LRRC69: variants seen among roughly 807,000 people sequenced by gnomAD.
LRRC69 encodes the protein leucine-rich repeat-containing protein 69.
In LRRC69, 42 loss-of-function variants were observed where a neutral mutation model predicts 37.8. The ratio of observed to expected loss-of-function variants is 1.11; its 90% CI spans 0.87 to 1.44. The LOEUF (loss-of-function observed/expected upper bound fraction) is 1.44. Among genes scored for constraint, LRRC69 ranks in the 40% most tolerant of loss-of-function variants. The pLI is 0.00. For synonymous variants in LRRC69, 141 were observed against 143.1 expected (o/e 0.99, Z 0.11); for missense variants, 357 against 401.9 (o/e 0.89, Z 0.96).
intron 1 of LRRC69, among the ~76,000 whole-genome samples, chr8:91,121,834 G>A (rs571646161): frequency 2.0e-5 from 3 of 151,990 alleles, no homozygotes; most frequent in South Asian, 2.1e-4. Context: ...CTTAGAATAT[G>A]TGCAGTTTAG....
intron 7 of LRRC69, among the ~76,000 whole-genome samples, chr8:91,218,633 A>G (rs1280662630): frequency 1.3e-5 from 2 of 152,182 alleles, no homozygotes; most frequent in East Asian, 1.9e-4. Context: ...CTTTATGGTT[A>G]GACTACATAA....
chr8:91,161,945 T>C (rs1808952503), intron 5 of LRRC69, among the ~76,000 whole-genome samples: 1 of 151,396 alleles, frequency 6.6e-6, no homozygotes, highest in Non-Finnish European at 1.5e-5. Flanking sequence ...TAGGTTTTGG[T>C]ATGCAGTGTT....
At chr8:91,204,934 A>G (rs745973651) in intron 7 of LRRC69, among the ~76,000 whole-genome samples, 1 of 152,240 alleles carries the variant, frequency 6.6e-6, no homozygotes, top group Non-Finnish European at 1.5e-5. Flanking sequence ...ACTTGAATGA[A>G]TAATACAATG....
chr8:91,146,203 T>G (rs139623577), intron 5 of LRRC69, among the ~76,000 whole-genome samples: 66 of 151,828 alleles, frequency 4.3e-4, no homozygotes, highest in African/African-American at 1.4e-3. Context: ...GGAAATTTTA[T>G]TCTTCTAACC....
At chr8:91,212,533 A>T (rs1464357895) in intron 7 of LRRC69, among the ~76,000 whole-genome samples, 1 of 152,180 alleles carries the variant, frequency 6.6e-6, no homozygotes, top group East Asian at 1.9e-4. Context: ...TGTAACTTTA[A>T]TTCCTTTTTT....
rs771986461 is a variant in LRRC69, at chr8:91,176,134, A to ATTTTT, written c.652-13380_652-13376dup. Reference sequence around the variant, plus strand: ...ATCCCTCATATATATATATATATATATTTTTTTTTTTTCTTTTTTTTGAGA... The same window carrying ATTTTT: ...ATCCCTCATATATATATATATATATATTTTTTTTTTTTTTTTTCTTTTTTTTGAGA... On this transcript the variant is annotated intron_variant, in intron 5 of 7. Transcript: ENST00000448384. Among the ~76,000 whole-genome samples, 96 of 75,694 alleles carry ATTTTT rather than the reference A, an allele frequency of 1.3e-3. 1 individual carries two copies. The highest frequency in any genetic ancestry group is 5.3e-3 in the African/African-American group (87 of 16,426). The allele number at this position is 75,694 out of a possible 152,430, so 49.7% of individuals were successfully genotyped here.
At chr8:91,187,492 G>A (rs975268808) in intron 5 of LRRC69, among the ~76,000 whole-genome samples, 2 of 152,114 alleles carry the variant, frequency 1.3e-5, no homozygotes, top group Non-Finnish European at 2.9e-5. Flanking sequence ...TCTTTATGTT[G>A]GATCTGGGAA....
chr8:91,156,954 C>G (rs1808846325), intron 5 of LRRC69, among the ~76,000 whole-genome samples: 1 of 151,238 alleles, frequency 6.6e-6, no homozygotes, highest in African/African-American at 2.4e-5. Context: ...TCTGGGTTCT[C>G]TATTCTGTTC....
chr8:91,160,567 G>A (rs559795213), intron 5 of LRRC69, among the ~76,000 whole-genome samples: 3 of 151,044 alleles, frequency 2.0e-5, no homozygotes, highest in Non-Finnish European at 4.4e-5. Context: ...GAGTTCTTAT[G>A]AGATCTGGTT....
chr8:91,147,137 A>G (rs960071485), intron 5 of LRRC69, among the ~76,000 whole-genome samples: 11 of 151,202 alleles, frequency 7.3e-5, no homozygotes, highest in Admixed American at 5.3e-4. Context: ...GCCTGTTAAA[A>G]TGTTGATCCC....
intron 1 of LRRC69, among the ~76,000 whole-genome samples, chr8:91,115,979 G>T (rs1454325297): frequency 6.6e-6 from 1 of 152,018 alleles, no homozygotes; most frequent in African/African-American, 2.4e-5. Context: ...GCCAGGTAAT[G>T]AATATATATG....
At chr8:91,212,196 TACTA>T (rs372085345) in intron 7 of LRRC69, among the ~76,000 whole-genome samples, 151 of 152,322 alleles carry the variant, frequency 9.9e-4, no homozygotes, top group Middle Eastern at 6.8e-3. Context: ...TTTTAGTTAC[TACTA>T]ACTTTGTCTG....
chr8:91,181,887 TC>T (rs1186568201), intron 5 of LRRC69, among the ~76,000 whole-genome samples: 1 of 152,114 alleles, frequency 6.6e-6, no homozygotes, highest in Non-Finnish European at 1.5e-5. Context: ...TTAAAGATAG[TC>T]AGTGGAGGCC....
chr8:91,196,036 C>A (rs1345577063), intron 6 of LRRC69, among the ~76,000 whole-genome samples: 5 of 152,184 alleles, frequency 3.3e-5, no homozygotes, highest in African/African-American at 1.2e-4. Flanking sequence ...TTAGGGCAGG[C>A]CTTGTAGTGA....
At chr8:91,203,158 A>C (rs944483961) in intron 7 of LRRC69, among the ~76,000 whole-genome samples, 7 of 152,052 alleles carry the variant, frequency 4.6e-5, no homozygotes, top group African/African-American at 1.7e-4. Context: ...ATAGACTCCT[A>C]TCTAGTCTGT....
exon 4 of LRRC69, chr8:91,133,236 A>G: frequency 6.5e-7 from 1 of 1,529,136 alleles, no homozygotes. Flanking sequence ...GCATACCTGA[A>G]GAGATTAAAT....
chr8:91,203,349 T>C (rs1024385958), intron 7 of LRRC69, among the ~76,000 whole-genome samples: 1 of 152,062 alleles, frequency 6.6e-6, no homozygotes, highest in Non-Finnish European at 1.5e-5. Flanking sequence ...GTAGTCTTTG[T>C]GCCAATAAAG....
At chr8:91,142,843 A>G (rs1346580355) in intron 5 of LRRC69, among the ~76,000 whole-genome samples, 1 of 152,010 alleles carries the variant, frequency 6.6e-6, no homozygotes, top group East Asian at 1.9e-4. Flanking sequence ...CTGTCATGCT[A>G]TACAAATAAG....
At chr8:91,177,889 C>T (rs1809261174) in intron 5 of LRRC69, among the ~76,000 whole-genome samples, 1 of 135,476 alleles carries the variant, frequency 7.4e-6, no homozygotes, top group African/African-American at 3.0e-5. Flanking sequence ...TGCTGTGTTG[C>T]CCAGGCTGGA....
Sources: allele counts gnomAD v4.1 joint callset (sites outside exome capture counted in the v4.1 genomes callset), GRCh38; gene constraint gnomAD v4.1.1; transcripts MANE v1.5; gene names NCBI Gene and HGNC (gene_info 2026-07-23, HGNC 2026-07-21).